The following NRG1 variants were observed in gnomAD, a reference collection of about 807,000 sequenced individuals.
NRG1 encodes the protein pro-neuregulin-1, membrane-bound isoform.
NRG1 carries 18 observed loss-of-function variants against 63.8 expected under a neutral mutation model. The observed-to-expected ratio is 0.28, with a 90% CI of 0.19 to 0.42. The LOEUF (loss-of-function observed/expected upper bound fraction) is 0.42. Ranked by LOEUF, NRG1 falls within the 10% of genes least tolerant of loss-of-function variation. The probability of loss-of-function intolerance (pLI) is 1.00; values close to 1 mark genes in which losing one functional copy is unlikely to be tolerated. For synonymous variants in NRG1, 302 were observed against 301.3 expected (o/e 1.00, Z -0.02); for missense variants, 762 against 814.7 (o/e 0.94, Z 0.79).
intron 1 of NRG1, among the ~76,000 whole-genome samples, chr8:32,209,899 G>A (rs1396426707): frequency 6.6e-6 from 1 of 152,082 alleles, no homozygotes; most frequent in African/African-American, 2.4e-5. Context: ...TCAGCTTCTG[G>A]GTCTCTTTGT....
chr8:32,122,223 A>C (rs943304457), intron 1 of NRG1, among the ~76,000 whole-genome samples: 3 of 151,996 alleles, frequency 2.0e-5, no homozygotes, highest in Non-Finnish European at 4.4e-5. Context: ...CAGGCCAAAT[A>C]CCAGATGGCA....
chr8:32,525,733 C>A (rs1184882649), intron 1 of NRG1, among the ~76,000 whole-genome samples: 1 of 152,162 alleles, frequency 6.6e-6, no homozygotes, highest in Non-Finnish European at 1.5e-5. Flanking sequence ...CACCCGCCCC[C>A]TTTCCTCCTA....
intron 1 of NRG1, among the ~76,000 whole-genome samples, chr8:31,783,868 A>T (rs1467317432): frequency 6.6e-6 from 1 of 152,202 alleles, no homozygotes. Context: ...TCATAATCAT[A>T]ATGGCTAACA....
At chr8:31,641,660 T>C in intron 1 of NRG1, 1 of 152,242 alleles carries the variant, frequency 6.6e-6, no homozygotes, top group Non-Finnish European at 1.5e-5. Context: ...TATAATTTCC[T>C]GATTACTATA....
chr8:32,261,358 A>AATGT (rs145925059), intron 1 of NRG1, among the ~76,000 whole-genome samples: 1 of 148,264 alleles, frequency 6.7e-6, no homozygotes, highest in Non-Finnish European at 1.5e-5. Context: ...TGCTCCTATT[A>AATGT]GTGTGTGTGT....
intron 1 of NRG1, 28 bp downstream of exon 1, chr8:32,548,854 A>G (rs1337910481): frequency 2.6e-6 from 4 of 1,538,756 alleles, no homozygotes. Flanking sequence ...CCCGGGCCCC[A>G]CGATCCTCCT....
chr8:31,987,753 GA>G (rs200957282), intron 1 of NRG1, among the ~76,000 whole-genome samples: 2,338 of 150,966 alleles, frequency 0.015, 31 homozygotes, highest in Middle Eastern at 0.054. Context: ...AAGTTGGAAG[GA>G]AAAAAAAGGG....
intron 1 of NRG1, among the ~76,000 whole-genome samples, chr8:32,192,627 G>A (rs892060616): frequency 6.6e-6 from 1 of 151,798 alleles, no homozygotes; most frequent in African/African-American, 2.4e-5. Context: ...GCTAACTATT[G>A]GGTACCATGC....
chr8:31,840,670 C>A (rs1826115511), intron 1 of NRG1, among the ~76,000 whole-genome samples: 1 of 152,174 alleles, frequency 6.6e-6, no homozygotes, highest in Admixed American at 6.5e-5. Context: ...CACACACACG[C>A]ACTCATGCTC....
At chr8:32,282,125 T>C (rs1052932238) in intron 1 of NRG1, among the ~76,000 whole-genome samples, 1 of 152,032 alleles carries the variant, frequency 6.6e-6, no homozygotes, top group African/African-American at 2.4e-5. Context: ...GTAAAAAGCT[T>C]TGAAAAGTTT....
At chr8:32,677,823 C>T (rs1807554802) in intron 5 of NRG1, among the ~76,000 whole-genome samples, 1 of 152,118 alleles carries the variant, frequency 6.6e-6, no homozygotes, top group Admixed American at 6.6e-5. Flanking sequence ...TTCCAATTTG[C>T]CATACCCCCA....
At position 32,275,737 on chromosome 8, in the gene NRG1, T is replaced by A. The variant is rs528016484; in HGVS notation, c.38-320091T>A. The stretch of plus-strand genomic sequence containing the variant: ...CTGCGCAAATCCCCCAGGGATCTTG[T>A]GAAACCACAGGCCTTGATTTAGAAG... On this transcript the variant is annotated intron_variant, in intron 1 of 10. Coordinates refer to the NRG1 transcript ENST00000519301. 3.9e-5 allele frequency among the ~76,000 whole-genome samples: 6 copies of A among 152,200 alleles called. 1 individual carries two copies. The South Asian group carries it at 1.2e-3, about 32-fold the overall frequency.
chr8:31,766,577 G>A (rs1818085520), intron 1 of NRG1, among the ~76,000 whole-genome samples: 1 of 152,146 alleles, frequency 6.6e-6, no homozygotes, highest in Non-Finnish European at 1.5e-5. Context: ...GCTTGGTAAA[G>A]TAAGCTAAAG....
intron 1 of NRG1, among the ~76,000 whole-genome samples, chr8:31,893,389 T>G (rs1336639294): frequency 1.3e-5 from 2 of 150,968 alleles, no homozygotes; most frequent in Non-Finnish European, 3.0e-5. Context: ...TATAGTAGAG[T>G]GAAGGAAATC....
chr8:32,226,601 G>T (rs555494469), intron 1 of NRG1, among the ~76,000 whole-genome samples: 1 of 152,192 alleles, frequency 6.6e-6, no homozygotes, highest in East Asian at 1.9e-4. Flanking sequence ...AACTGTTAAA[G>T]ATAACGTTTG....
chr8:32,696,915 A>G (rs181720397), intron 5 of NRG1, among the ~76,000 whole-genome samples: 7 of 152,198 alleles, frequency 4.6e-5, no homozygotes, highest in Admixed American at 3.9e-4. Flanking sequence ...ACCCACCTCG[A>G]CTTCCCAAAG....
Position 31,992,409 on chromosome 8 carries a change from C to T in NRG1, c.37+352978C>T, listed in dbSNP as rs531294316. Among the ~76,000 whole-genome samples the T allele has an allele frequency of 2.6e-5, 4 of 152,042 alleles. No individual in the cohort carries two copies. In the South Asian group the frequency reaches 8.3e-4, roughly 32 times the overall value. On this transcript the variant is annotated intron_variant, in intron 1 of 10. Transcript: ENST00000519301. ...TGCTTGCCTGATACTGAACTCTAAC[C>T]ATGTGTATCACATCCTAGACAGGGG...
intron 1 of NRG1, among the ~76,000 whole-genome samples, chr8:32,204,622 A>C (rs1053341246): frequency 1.3e-5 from 2 of 152,208 alleles, no homozygotes; most frequent in African/African-American, 4.8e-5. Flanking sequence ...ACATTTGTGA[A>C]AATGTCTGAC....
chr8:32,127,912 C>A (rs1834311518), intron 1 of NRG1, among the ~76,000 whole-genome samples: 1 of 151,856 alleles, frequency 6.6e-6, no homozygotes, highest in Non-Finnish European at 1.5e-5. Context: ...CTAGCCTGAG[C>A]AACATAGTTA....
Sources: allele counts gnomAD v4.1 joint callset (sites outside exome capture counted in the v4.1 genomes callset), GRCh38; gene constraint gnomAD v4.1.1; transcripts MANE v1.5; gene names NCBI Gene and HGNC (gene_info 2026-07-23, HGNC 2026-07-21).